Variants in CABIN1 observed in about 807,000 individuals in gnomAD.
CABIN1 encodes the protein calcineurin-binding protein cabin-1.
A neutral mutation model predicts 227.7 loss-of-function variants in CABIN1; 133 were observed. The observed-to-expected ratio is 0.58, with a 90% CI of 0.51 to 0.67. CABIN1 has a LOEUF of 0.67. Among genes scored for constraint, CABIN1 ranks in the 30% least tolerant of loss-of-function variants. The probability of loss-of-function intolerance (pLI) is 0.00; values close to 1 mark genes in which losing one functional copy is unlikely to be tolerated. For missense variants in CABIN1, 2,408 were observed against 2,852.5 expected, an observed-to-expected ratio of 0.84 and a Z score of 3.55; for synonymous variants, 1,086 against 1,155.1, an observed-to-expected ratio of 0.94 and a Z score of 1.21.
At chr22:24,027,268 T>C (rs928909756) in intron 1 of CABIN1, among the ~76,000 whole-genome samples, 5 of 152,240 alleles carry the variant, frequency 3.3e-5, no homozygotes, top group African/African-American at 1.2e-4. Context: ...AGGGCTTTAT[T>C]TTCTAGATTA....
chr22:24,053,342 C>G (rs1306276672), intron 8 of CABIN1, among the ~76,000 whole-genome samples: 3 of 150,402 alleles, frequency 2.0e-5, no homozygotes, highest in African/African-American at 7.4e-5. Context: ...TCCCAAAGTA[C>G]TGGGATTACA....
At chr22:24,056,943 CTT>C (rs796302054) in intron 10 of CABIN1, among the ~76,000 whole-genome samples, 1 of 146,496 alleles carries the variant, frequency 6.8e-6, no homozygotes. Flanking sequence ...GTCCTTCTGC[CTT>C]TTTTTTTTTG....
chr22:24,064,552 T>C (rs1415695499), intron 15 of CABIN1, among the ~76,000 whole-genome samples: 4 of 112,220 alleles, frequency 3.6e-5, no homozygotes, highest in Non-Finnish European at 7.2e-5. Context: ...CATTCTTGGG[T>C]GTTTCTCGCA....
chr22:24,035,281 A>G (rs973349175), intron 1 of CABIN1, among the ~76,000 whole-genome samples, 163 bp from the exon 2 acceptor site: 2 of 152,180 alleles, frequency 1.3e-5, no homozygotes, highest in Admixed American at 1.3e-4. Flanking sequence ...GTAAGGGACC[A>G]AGGAGCTCCT....
intron 18 of CABIN1, among the ~76,000 whole-genome samples, chr22:24,074,309 A>C (rs2040291334): frequency 6.6e-6 from 1 of 152,198 alleles, no homozygotes; most frequent in Non-Finnish European, 1.5e-5. Context: ...TGAAAAGTAC[A>C]TCAAAGAAAG....
At chr22:24,116,209 T>C (rs2043077225) in intron 27 of CABIN1, among the ~76,000 whole-genome samples, 1 of 152,090 alleles carries the variant, frequency 6.6e-6, no homozygotes, top group South Asian at 2.1e-4. Flanking sequence ...GTCTAAAATA[T>C]GAAGGTCGCA....
intron 8 of CABIN1, 46 bp from the exon 9 acceptor site, chr22:24,054,820 GGAGTATT>G: frequency 6.2e-7 from 1 of 1,612,236 alleles, no homozygotes. Context: ...CACTATGCTT[GGAGTATT>G]CCTCTGACAG....
intron 27 of CABIN1, among the ~76,000 whole-genome samples, 156 bp from the exon 28 acceptor site, chr22:24,119,211 G>A (rs1221350979): frequency 6.6e-6 from 1 of 152,232 alleles, no homozygotes; most frequent in African/African-American, 2.4e-5. Flanking sequence ...ACTGGGCCCT[G>A]TGCCTCCTGC....
intron 18 of CABIN1, among the ~76,000 whole-genome samples, chr22:24,073,491 C>T (rs1053673504): frequency 1.3e-5 from 2 of 152,132 alleles, no homozygotes; most frequent in African/African-American, 4.8e-5. Context: ...TTTCTCCTTC[C>T]CTTCACATTC....
intron 2 of CABIN1, among the ~76,000 whole-genome samples, 155 bp from the exon 3 acceptor site, chr22:24,035,934 A>AT (rs1363405650): frequency 1.0e-4 from 12 of 120,432 alleles, no homozygotes; most frequent in African/African-American, 2.6e-4. Flanking sequence ...TTAGAGGATG[A>AT]TTTTTTTGTT....
At chr22:24,114,376 G>T (rs943196407) in intron 27 of CABIN1, among the ~76,000 whole-genome samples, 2 of 152,012 alleles carry the variant, frequency 1.3e-5, no homozygotes, top group African/African-American at 4.8e-5. Context: ...ATAGATTTGA[G>T]AGCTTTCCCA....
intron 26 of CABIN1, among the ~76,000 whole-genome samples, chr22:24,105,511 A>G (rs545407484): frequency 6.6e-6 from 1 of 152,304 alleles, no homozygotes; most frequent in South Asian, 2.1e-4. Context: ...TGCTAGTGCC[A>G]TTCTTCTTTC....
At chr22:24,117,554 G>C (rs1028861076) in intron 27 of CABIN1, among the ~76,000 whole-genome samples, 1 of 151,590 alleles carries the variant, frequency 6.6e-6, no homozygotes, top group African/African-American at 2.4e-5. Flanking sequence ...TTGGGGGGGG[G>C]GTTAGGTTTA....
intron 5 of CABIN1, 87 bp downstream of exon 5, chr22:24,041,360 A>C: frequency 6.4e-7 from 1 of 1,554,264 alleles, no homozygotes; most frequent in Non-Finnish European, 8.8e-7. Context: ...GGCCAAAAAG[A>C]AGAGTTTGTA....
intron 27 of CABIN1, among the ~76,000 whole-genome samples, chr22:24,118,575 C>T (rs946229345): frequency 2.6e-5 from 4 of 152,186 alleles, no homozygotes; most frequent in Non-Finnish European, 5.9e-5. Context: ...TGCCGTGCTC[C>T]TGAGTGCCTA....
chr22:24,083,456 A>G, intron 20 of CABIN1, 67 bp downstream of exon 20: 1 of 1,570,512 alleles, frequency 6.4e-7, no homozygotes. Flanking sequence ...GAAGGATGTC[A>G]TATTTGTCAA....
intron 1 of CABIN1, among the ~76,000 whole-genome samples, chr22:24,031,307 G>T (rs909785249): frequency 6.6e-6 from 1 of 152,194 alleles, no homozygotes; most frequent in African/African-American, 2.4e-5. Flanking sequence ...GTCAGTGTGG[G>T]TGTGACATGG....
chr22:24,131,802 G>A (rs1392192604), intron 28 of CABIN1, among the ~76,000 whole-genome samples: 1 of 152,052 alleles, frequency 6.6e-6, no homozygotes, highest in Non-Finnish European at 1.5e-5. Context: ...ACGGTGGCTC[G>A]CGCCTGTAAT....
Position 24,167,083 on chromosome 22 carries a change from C to G in CABIN1, c.5452C>G (p.Pro1818Ala). 6.5e-7 allele frequency: 1 copy of G among 1,544,492 alleles called. No homozygotes were observed. Among genetic ancestry groups the G allele is most frequent in the Non-Finnish European group, 8.7e-7 (1 of 1,144,736 alleles). ...GCCCACCCCGCTCACCCCAGCCCAG[C>G]CAGCCCCCGCCCCCGCCCCCGCCAC... is the stretch of plus-strand genomic sequence containing the variant. ...QQPTPLTPAQPAPAPAPATTT... is the reference protein window; with the variant it reads ...QQPTPLTPAQAAPAPAPATTT... The change falls in exon 32 of 37, where the codon CCA (proline) becomes GCA (alanine). Residue 1818 changes from proline to alanine, a missense_variant. Physicochemically the swap from Pro to Ala is conservative, Grantham distance 27 (BLOSUM62 -1). This residue lies in a region of CABIN1 where 714 missense variants were observed against 773.8 expected (regional missense o/e 0.92). Coordinates refer to ENST00000263119, the MANE Select transcript of CABIN1 (RefSeq NM_012295.4).
Sources: allele counts gnomAD v4.1 joint callset (sites outside exome capture counted in the v4.1 genomes callset), GRCh38; gene constraint gnomAD v4.1.1; regional missense constraint gnomAD v4.1.1; transcripts MANE v1.5; gene names NCBI Gene and HGNC (gene_info 2026-07-23, HGNC 2026-07-21).